The following FAM9C variants were observed in gnomAD, a reference collection of about 807,000 sequenced individuals.
FAM9C encodes the protein family with sequence similarity 9 member C, also known as protein FAM9C.
A neutral mutation model predicts 14.8 loss-of-function variants in FAM9C; 15 were observed. The observed-to-expected ratio is 1.02, with a 90% CI of 0.68 to 1.56. The LOEUF (loss-of-function observed/expected upper bound fraction) is 1.56, where lower values mean the gene tolerates loss of function less well. FAM9C is among the 40% of genes most tolerant of loss of function. FAM9C has a pLI of 0.00. For missense variants in FAM9C, 116 were observed against 118.0 expected (o/e 0.98, Z 0.08); for synonymous variants, 45 against 37.5 (o/e 1.20, Z -0.74).
At chrX:13,043,636 G>C in intron 2 of FAM9C, 93 bp downstream of exon 2, 1 of 1,059,985 alleles carries the variant, frequency 9.4e-7, no homozygotes, top group African/African-American at 1.8e-5. Context: ...CGAAGGGGCC[G>C]GGGGCCTCGG....
chrX:13,037,389 C>T (rs958886940), intron 7 of FAM9C: 1 of 112,313 alleles, frequency 8.9e-6, no homozygotes, highest in African/African-American at 3.3e-5. Flanking sequence ...AAGATGATAC[C>T]GAAGTTCCTA....
Position 13,040,776 on chromosome X carries a change from C to T in FAM9C, c.311G>A (p.Arg104Lys). Residue 104 changes from arginine to lysine, a missense_variant, in exon 5 of 8, where the codon AGA becomes AAA. By Grantham distance (26) the Arg-to-Lys change is conservative. Coordinates refer to ENST00000380625, the MANE Select transcript of FAM9C (RefSeq NM_174901.6). ...ATCATACCTTTTTAGTTGTGTTGTT[C>T]TCAAAACATTTTTAATTCTGTTCTT... The part of the protein sequence containing the change: ...EIKNRIKNVL[R>K]TTQLKRQKRD... 8.5e-7 allele frequency: 1 copy of T among 1,179,157 alleles called. No individual in the cohort carries two copies. The highest frequency in any genetic ancestry group is 1.1e-6 in the Non-Finnish European group (1 of 878,630).
At chrX:13,043,299 G>A (rs2043544055) in intron 2 of FAM9C, 51 bp from the exon 3 acceptor site, 1 of 1,155,571 alleles carries the variant, frequency 8.7e-7, no homozygotes, top group African/African-American at 1.8e-5. Flanking sequence ...ACGCTGTTGT[G>A]GACATTTTTC....
At chrX:13,037,656 T>A (rs1434039204) in intron 7 of FAM9C, 2 of 112,633 alleles carry the variant, frequency 1.8e-5, no homozygotes, top group Non-Finnish European at 3.8e-5. Flanking sequence ...TTCCACAAGG[T>A]TATTAAAAAG....
intron 4 of FAM9C, 188 bp downstream of exon 4, chrX:13,042,730 T>G: frequency 3.9e-6 from 2 of 516,209 alleles, no homozygotes; most frequent in Non-Finnish European, 6.7e-6. Flanking sequence ...ATTAGAAGCA[T>G]TCTCACATTC....
intron 3 of FAM9C, 35 bp from the exon 4 acceptor site, chrX:13,042,984 ATGC>A (rs1569136475): frequency 4.2e-6 from 5 of 1,176,660 alleles, no homozygotes; most frequent in Non-Finnish European, 1.1e-6. Flanking sequence ...TTTTAACATA[ATGC>A]TACACAAAAG....
Position 13,036,012 on chromosome X carries a change from G to A in FAM9C, c.*32C>T, listed in dbSNP as rs146754113. 6.3e-4 allele frequency: 71 copies of A among 112,389 alleles called. No individual in the cohort carries two copies. Among genetic ancestry groups the A allele is most frequent in the African/African-American group, 2.1e-3 (66 of 31,004 alleles). 9.3% of individuals were successfully genotyped at this position (112,389 alleles called of 1,213,427 possible). On this transcript the variant is annotated 3_prime_UTR_variant, in exon 8 of 8. Coordinates refer to ENST00000380625, the MANE Select transcript of FAM9C (RefSeq NM_174901.6). Reference sequence around the variant, plus strand: ...TACATCTGAATAAGTGCCAACTCTTGCTGCAGCTGTTTCAAAAAAATAAAT... The same window carrying A: ...TACATCTGAATAAGTGCCAACTCTTACTGCAGCTGTTTCAAAAAAATAAAT...
At chrX:13,036,973 G>C (rs149918802) in intron 7 of FAM9C, 94 of 111,552 alleles carry the variant, frequency 8.4e-4, no homozygotes, top group African/African-American at 2.9e-3. Flanking sequence ...AGCAAAGCAT[G>C]AGAGTAATGG....
rs756517868 is a variant in FAM9C at position 13,039,880 on chromosome X, C to T, written c.366G>A (p.Pro122=). The change falls in exon 6 of 8, where the codon CCG becomes CCA. Residue 122 remains proline, a synonymous_variant. Transcript: ENST00000380625. The stretch of plus-strand genomic sequence containing the variant: ...CTGTGATGAACTCTTCAAGGACATT[C>T]GGCAACTTCAGAGAAATTCTATAAT... ...KRDYRISLKL[P]NVLEEFITDE... 7.5e-6 allele frequency: 9 copies of T among 1,206,456 alleles called. No individual in the cohort carries two copies. The highest frequency in any genetic ancestry group is 1.8e-5 in the South Asian group (1 of 55,768).
intron 7 of FAM9C, chrX:13,036,625 T>G (rs1196094359): frequency 5.4e-5 from 6 of 111,695 alleles, no homozygotes; most frequent in African/African-American, 2.0e-4. Flanking sequence ...TAAAATGGTC[T>G]GTGACATGAC....
intron 5 of FAM9C, 38 bp from the exon 6 acceptor site, chrX:13,039,954 G>A: frequency 9.2e-7 from 1 of 1,092,705 alleles, no homozygotes; most frequent in Non-Finnish European, 1.2e-6. Flanking sequence ...ATACGTCATA[G>A]AGGGATGAAA....
At position 13,040,787 on chromosome X, in the gene FAM9C, T is replaced by C. The variant is rs754670317; in HGVS notation, c.300A>G (p.Lys100=). The C allele has an allele frequency of 1.2e-5, 14 of 1,188,758 alleles. No homozygotes were observed. In the East Asian group the frequency reaches 4.2e-4, roughly 36 times the overall value. Residue 100 remains lysine, a synonymous_variant, in exon 5 of 8, where the codon AAA becomes AAG. Transcript: ENST00000380625. ...KACSEIKNRI[K]NVLRTTQLKR... Reference sequence around the variant, plus strand: ...TTAGTTGTGTTGTTCTCAAAACATTTTTAATTCTGTTCTTTATTTCGCTGC... The same window carrying C: ...TTAGTTGTGTTGTTCTCAAAACATTCTTAATTCTGTTCTTTATTTCGCTGC...
In FAM9C at chrX:13,038,968, G is replaced by A. The variant is rs1398589360; in HGVS notation, c.439-465C>T. ...ACAATAGTGTTCTCCTCTCCTCTAC[G>A]TGGCACTCACAGTCATCCCCTAAAT... On this transcript the variant is annotated intron_variant, in intron 6 of 7. Coordinates refer to ENST00000380625, the MANE Select transcript of FAM9C (RefSeq NM_174901.6). Among the ~76,000 whole-genome samples, 25 of 111,025 alleles carry A rather than the reference G, an allele frequency of 2.3e-4. No homozygotes were observed. The South Asian group carries it at 6.9e-3, about 31-fold the overall frequency.
chrX:13,042,959 A>G lies in FAM9C; in HGVS notation c.183-10T>C, dbSNP rs1057522761. 2.5e-6 allele frequency: 3 copies of G among 1,182,082 alleles called. No homozygotes were observed. The African/African-American group carries it at 5.4e-5, about 21-fold the overall frequency. ...CTCCTTGGTATCAACCCTGTAACAA[A>G]AAGTTGCAACACAATTTTAACATAA... On this transcript the variant is annotated splice_polypyrimidine_tract_variant and intron_variant, in intron 3 of 7. Transcript: ENST00000380625.
intron 1 of FAM9C, among the ~76,000 whole-genome samples, chrX:13,044,321 A>ACCCCCCCCCCCCCCCCCCC (rs748879259): frequency 1.3e-5 from 1 of 76,856 alleles, no homozygotes; most frequent in African/African-American, 5.1e-5. Flanking sequence ...TGACCCCCCG[A>ACCCCCCCCCCCCCCCCCCC]CCCCCCCCCA....
At chrX:13,044,290 C>T (rs1394360973) in intron 1 of FAM9C, among the ~76,000 whole-genome samples, 2 of 108,677 alleles carry the variant, frequency 1.8e-5, no homozygotes. Flanking sequence ...TGATGGGCAG[C>T]CAGACAAGAC....
At chrX:13,041,154 G>T in intron 4 of FAM9C, 2 of 154,054 alleles carry the variant, frequency 1.3e-5, no homozygotes, top group South Asian at 2.5e-4. Flanking sequence ...TGCAGAAAGG[G>T]TTACAAACAC....
chrX:13,038,566 T>C (rs1363144045), intron 6 of FAM9C, 63 bp from the exon 7 acceptor site: 10 of 995,057 alleles, frequency 1.0e-5, no homozygotes, highest in Non-Finnish European at 1.4e-5. Flanking sequence ...TAAAACATTC[T>C]GCATTAAAGA....
intron 7 of FAM9C, 167 bp downstream of exon 7, chrX:13,038,249 T>C: frequency 2.9e-6 from 1 of 340,528 alleles, no homozygotes; most frequent in Non-Finnish European, 5.0e-6. Context: ...TGTTATTTAC[T>C]ACTTATGTTA....
Sources: gnomAD v4.1 joint callset for allele counts (sites outside exome capture counted in the v4.1 genomes callset) on GRCh38, gnomAD v4.1.1 for gene constraint, MANE v1.5 for transcripts, NCBI Gene and HGNC (gene_info 2026-07-23, HGNC 2026-07-21) for gene names.